The following TIAM1 variants were observed in gnomAD, a reference collection of about 807,000 sequenced individuals.
The protein encoded by TIAM1 is TIAM Rac1 associated GEF 1, also known as rho guanine nucleotide exchange factor TIAM1.
A neutral mutation model predicts 163.5 loss-of-function variants in TIAM1; 65 were observed. The observed-to-expected ratio is 0.40, with a 90% confidence interval of 0.33 to 0.49. TIAM1 has a LOEUF of 0.49. TIAM1 is among the 20% of genes least tolerant of loss of function. The probability of loss-of-function intolerance (pLI) is 0.77; values close to 1 mark genes in which losing one functional copy is unlikely to be tolerated. For missense variants in TIAM1, 1,789 were observed against 2,044.7 expected, an observed-to-expected ratio of 0.87 and a Z score of 2.41; for synonymous variants, 833 against 810.1, an observed-to-expected ratio of 1.03 and a Z score of -0.48.
chr21:31,382,410 G>A (rs2076794006), intron 2 of TIAM1, among the ~76,000 whole-genome samples: 2 of 152,148 alleles, frequency 1.3e-5, no homozygotes, highest in South Asian at 4.1e-4. Flanking sequence ...CAAGGTACAA[G>A]GATCAAATAG....
At chr21:31,411,471 C>CTTTTT (rs11362012) in intron 2 of TIAM1, among the ~76,000 whole-genome samples, 24 of 102,710 alleles carry the variant, frequency 2.3e-4, no homozygotes, top group African/African-American at 8.3e-4. Flanking sequence ...TCCCAAGAAA[C>CTTTTT]TTTTTTTTTT....
intron 27 of TIAM1, among the ~76,000 whole-genome samples, chr21:31,121,716 GT>G (rs1371269252): frequency 6.6e-6 from 1 of 152,156 alleles, no homozygotes; most frequent in East Asian, 1.9e-4. Flanking sequence ...GCTGTATAAA[GT>G]GACTACCAGT....
intron 13 of TIAM1, among the ~76,000 whole-genome samples, chr21:31,192,415 C>G (rs1033500623): frequency 6.6e-6 from 1 of 151,980 alleles, no homozygotes; most frequent in African/African-American, 2.4e-5. Flanking sequence ...GTCAGGAGTT[C>G]AAGACCACCC....
intron 2 of TIAM1, among the ~76,000 whole-genome samples, chr21:31,402,552 T>G (rs957321388): frequency 6.6e-6 from 1 of 152,146 alleles, no homozygotes; most frequent in Non-Finnish European, 1.5e-5. Flanking sequence ...AGTAACACCA[T>G]TTTTGCATGA....
intron 3 of TIAM1, among the ~76,000 whole-genome samples, chr21:31,276,291 A>C (rs2073296185): frequency 6.6e-6 from 1 of 152,272 alleles, no homozygotes; most frequent in Non-Finnish European, 1.5e-5. Flanking sequence ...AAAGTTTTGC[A>C]ACAAATATAA....
intron 9 of TIAM1, among the ~76,000 whole-genome samples, chr21:31,215,582 A>G (rs1024925332): frequency 6.6e-6 from 1 of 151,134 alleles, no homozygotes; most frequent in Non-Finnish European, 1.5e-5. Flanking sequence ...AAAAAAAAAA[A>G]AAAAAAAGAA....
intron 2 of TIAM1, among the ~76,000 whole-genome samples, chr21:31,300,555 T>C (rs892369811): frequency 4.6e-5 from 7 of 152,158 alleles, no homozygotes; most frequent in African/African-American, 1.2e-4. Context: ...ATGATAAACG[T>C]CAAGGATAAG....
chr21:31,351,830 G>C (rs1212887083), intron 2 of TIAM1, among the ~76,000 whole-genome samples: 1 of 152,114 alleles, frequency 6.6e-6, no homozygotes, highest in Non-Finnish European at 1.5e-5. Context: ...CACTTTGGGA[G>C]GCCGAGGAGG....
chr21:31,448,975 T>G lies in TIAM1; in HGVS notation c.-369+15008A>C, dbSNP rs538063537. 6.5e-4 allele frequency among the ~76,000 whole-genome samples: 99 copies of G among 151,242 alleles called. 1 individual carries two copies. The highest frequency in any genetic ancestry group is 2.3e-3 in the African/African-American group (96 of 41,180). Reference sequence around the variant, plus strand: ...ACCTGCTAGGATTGGCTTGTTTTGGTTTTTTTTTCTGAGACAGGGTCACTC... The same window carrying G: ...ACCTGCTAGGATTGGCTTGTTTTGGGTTTTTTTTCTGAGACAGGGTCACTC... On this transcript the variant is annotated intron_variant, in intron 2 of 28. Coordinates refer to the TIAM1 transcript ENST00000286827.
At chr21:31,251,693 C>A in intron 5 of TIAM1, 49 bp downstream of exon 5, 1 of 1,516,200 alleles carries the variant, frequency 6.6e-7, no homozygotes, top group Non-Finnish European at 8.9e-7. Flanking sequence ...CACAACGGGG[C>A]ACCTCTATTG....
chr21:31,206,151 AAT>A (rs1255896572), intron 11 of TIAM1, among the ~76,000 whole-genome samples: 1 of 152,194 alleles, frequency 6.6e-6, no homozygotes, highest in Non-Finnish European at 1.5e-5. Context: ...TTGGTCAGTA[AAT>A]AGTTACTCTC....
intron 6 of TIAM1, among the ~76,000 whole-genome samples, chr21:31,231,385 A>C (rs1298373303): frequency 2.0e-5 from 3 of 152,172 alleles, no homozygotes; most frequent in Non-Finnish European, 2.9e-5. Flanking sequence ...ACCCCAAGAA[A>C]GACCATAATC....
At chr21:31,489,047 C>T (rs556716275) in intron 1 of TIAM1, among the ~76,000 whole-genome samples, 60 of 151,102 alleles carry the variant, frequency 4.0e-4, no homozygotes, top group African/African-American at 1.2e-3. Context: ...TCAAGATTTT[C>T]GTCAGCACCA....
At chr21:31,292,346 G>T (rs576621561) in intron 2 of TIAM1, among the ~76,000 whole-genome samples, 39 of 150,464 alleles carry the variant, frequency 2.6e-4, no homozygotes, top group African/African-American at 8.1e-4. Context: ...TCTAATCCAG[G>T]TCAGGTCACC....
intron 1 of TIAM1, among the ~76,000 whole-genome samples, chr21:31,504,302 C>T (rs1223239228): frequency 6.6e-6 from 1 of 152,210 alleles, no homozygotes; most frequent in Non-Finnish European, 1.5e-5. Context: ...TGCAAGGGTG[C>T]ATCCAGAAGA....
chr21:31,351,983 G>A (rs1045176251), intron 2 of TIAM1, among the ~76,000 whole-genome samples: 2 of 151,610 alleles, frequency 1.3e-5, no homozygotes, highest in Non-Finnish European at 2.9e-5. Context: ...CAGGAGAATC[G>A]CTTGAACCCA....
intron 2 of TIAM1, among the ~76,000 whole-genome samples, chr21:31,421,831 G>GA (rs1284889323): frequency 1.3e-5 from 2 of 150,948 alleles, no homozygotes; most frequent in African/African-American, 4.9e-5. Context: ...CTCTACAAAA[G>GA]AAAAAAAAAT....
chr21:31,265,002 ATTTC>A (rs915083669), intron 4 of TIAM1, among the ~76,000 whole-genome samples: 1 of 151,818 alleles, frequency 6.6e-6, no homozygotes, highest in Non-Finnish European at 1.5e-5. Flanking sequence ...ATTACTCCAC[ATTTC>A]TTTCTTTCTT....
Position 31,395,066 on chromosome 21 carries a change from C to T in TIAM1, c.-368-55644G>A, listed in dbSNP as rs750493325. ...CAGCCTGGCCAACACAGTGAAACCC[C>T]GTATCTACCAAAAATACAAACATTA... On this transcript the variant is annotated intron_variant, in intron 2 of 28. Coordinates refer to the TIAM1 transcript ENST00000286827. This position sits in a 1 kb window ranked among gnomAD's most constrained non-coding sequence, Gnocchi z 7.5. 3.4e-4 allele frequency among the ~76,000 whole-genome samples: 51 copies of T among 152,074 alleles called. No individual in the cohort carries two copies. The highest frequency in any genetic ancestry group is 6.3e-4 in the Non-Finnish European group (43 of 67,986).
Sources: gnomAD v4.1 joint callset for allele counts (sites outside exome capture counted in the v4.1 genomes callset) on GRCh38, gnomAD v4.1.1 for gene constraint, Gnocchi (gnomAD v3.1) non-coding constraint, MANE v1.5 for transcripts, NCBI Gene and HGNC (gene_info 2026-07-23, HGNC 2026-07-21) for gene names.